CSGALNACT1: variants seen among roughly 807,000 people sequenced by gnomAD.
CSGALNACT1 encodes the protein beta4GalNAcT-1.
A neutral mutation model predicts 51.0 loss-of-function variants in CSGALNACT1; 52 were observed. The observed-to-expected ratio is 1.02, with a 90% CI of 0.82 to 1.29. CSGALNACT1 has a LOEUF of 1.29. CSGALNACT1 is among the 50% of genes most tolerant of loss of function. The probability of loss-of-function intolerance (pLI) is 0.00; values close to 1 mark genes in which losing one functional copy is unlikely to be tolerated. For missense variants in CSGALNACT1, 935 were observed against 679.2 expected, an observed-to-expected ratio of 1.38 and a Z score of -4.19; for synonymous variants, 341 against 254.4, an observed-to-expected ratio of 1.34 and a Z score of -3.24.
rs192377479 is a variant in CSGALNACT1, at chr8:19,620,883, G to C, written c.-543-19018C>G. ...CTCAAGTCCAACCAGGAGCATCAGA[G>C]GGAACATGGATCCCTTAAGTGGGGG... On this transcript the variant is annotated intron_variant, in intron 1 of 9. Coordinates refer to the CSGALNACT1 transcript ENST00000332246. Among the ~76,000 whole-genome samples the C allele has an allele frequency of 1.9e-3, 285 of 152,280 alleles. 3 individuals are homozygous for C. The highest frequency in any genetic ancestry group is 0.018 in the Admixed American group (270 of 15,288).
intron 4 of CSGALNACT1, among the ~76,000 whole-genome samples, chr8:19,480,616 C>A (rs1010100281): frequency 2.0e-5 from 3 of 152,146 alleles, no homozygotes; most frequent in African/African-American, 7.2e-5. Flanking sequence ...AATTTCTTTT[C>A]CTTTGAGTAT....
chr8:19,462,023 C>T (rs1050998290), intron 4 of CSGALNACT1, among the ~76,000 whole-genome samples: 7 of 152,232 alleles, frequency 4.6e-5, no homozygotes, highest in African/African-American at 1.4e-4. Context: ...ATCCACACAG[C>T]AGCCACATTC....
intron 1 of CSGALNACT1, among the ~76,000 whole-genome samples, chr8:19,659,813 A>T (rs555080769): frequency 6.6e-6 from 1 of 152,318 alleles, no homozygotes; most frequent in South Asian, 2.1e-4. Flanking sequence ...CAAAGCACAT[A>T]ACCCTCCAGC....
chr8:19,602,759 T>C (rs954254528), upstream of CSGALNACT1: 1 of 151,364 alleles, frequency 6.6e-6, no homozygotes, highest in African/African-American at 2.4e-5. Context: ...AAAAGCAGAA[T>C]GGGAAAGAGG....
At position 19,700,515 on chromosome 8, in the gene CSGALNACT1, C is replaced by T. The variant is rs147755004; in HGVS notation, c.-297+57335G>A. ...AAAATATGATAGAAAGGATACGGAC[C>T]GTATGACACAGCCTTCCTCACCATT... On this transcript the variant is annotated intron_variant, in intron 1 of 1. Transcript: ENST00000517494. Among the ~76,000 whole-genome samples, 499 of 152,150 alleles carry T rather than the reference C, an allele frequency of 3.3e-3. 6 individuals are homozygous for T. The highest frequency in any genetic ancestry group is 0.011 in the African/African-American group (473 of 41,502).
At chr8:19,556,567 C>A (rs1348322004) in intron 3 of CSGALNACT1, among the ~76,000 whole-genome samples, 1 of 152,136 alleles carries the variant, frequency 6.6e-6, no homozygotes, top group Non-Finnish European at 1.5e-5. Context: ...AGACTGCTGA[C>A]CAATAGTGTT....
intron 4 of CSGALNACT1, among the ~76,000 whole-genome samples, chr8:19,460,560 C>T (rs2065135930): frequency 6.6e-6 from 1 of 152,162 alleles, no homozygotes; most frequent in Admixed American, 6.5e-5. Context: ...ACCAAGAATG[C>T]ACCTCCCAGT....
At chr8:19,603,329 T>A (rs1043579150), upstream of CSGALNACT1, among the ~76,000 whole-genome samples, 2 of 151,798 alleles carry the variant, frequency 1.3e-5, no homozygotes, top group African/African-American at 4.8e-5. Context: ...AGGTTTAGAG[T>A]CTATTTTGTA....
chr8:19,525,488 A>C (rs190054943), intron 3 of CSGALNACT1, among the ~76,000 whole-genome samples: 1 of 151,590 alleles, frequency 6.6e-6, no homozygotes, highest in Middle Eastern at 3.2e-3. Context: ...CTGGTGGTGC[A>C]TGTCTATAGT....
intron 6 of CSGALNACT1, among the ~76,000 whole-genome samples, chr8:19,425,240 C>T (rs997167701): frequency 2.6e-5 from 4 of 152,174 alleles, no homozygotes; most frequent in African/African-American, 9.7e-5. Flanking sequence ...ACTTGGGAGG[C>T]TGAGGCAGGA....
chr8:19,548,019 A>G (rs1014455549), intron 3 of CSGALNACT1, among the ~76,000 whole-genome samples: 11 of 152,212 alleles, frequency 7.2e-5, no homozygotes, highest in Admixed American at 5.2e-4. Context: ...GTGATGTAAC[A>G]TCGCTCACAT....
intron 9 of CSGALNACT1, among the ~76,000 whole-genome samples, chr8:19,407,905 TTGTGTGTGTGTGTGTGTGTGTGTGTGTG>T (rs60746708): frequency 5.9e-4 from 66 of 112,790 alleles, no homozygotes; most frequent in African/African-American, 1.7e-3. Context: ...TGTATATGAA[TTGTGTGTGTGTGTGTGTGTGTGTGTGTG>T]TGTGTGTGTG....
At chr8:19,425,142 A>T (rs1303184222) in intron 6 of CSGALNACT1, among the ~76,000 whole-genome samples, 1 of 152,164 alleles carries the variant, frequency 6.6e-6, no homozygotes, top group Non-Finnish European at 1.5e-5. Context: ...CAGGAGTTCG[A>T]GACTGAACTG....
chr8:19,435,422 G>A (rs1479985451), intron 6 of CSGALNACT1, among the ~76,000 whole-genome samples: 1 of 151,976 alleles, frequency 6.6e-6, no homozygotes, highest in Non-Finnish European at 1.5e-5. Context: ...GAACCCAAGA[G>A]GTGGAGGTTG....
intron 1 of CSGALNACT1, among the ~76,000 whole-genome samples, chr8:19,700,550 G>C (rs956826677): frequency 6.6e-6 from 1 of 152,154 alleles, no homozygotes; most frequent in African/African-American, 2.4e-5. Flanking sequence ...TAATCAGGGA[G>C]GACTTAGTGC....
intron 3 of CSGALNACT1, among the ~76,000 whole-genome samples, chr8:19,583,595 G>A (rs1184108324): frequency 1.3e-5 from 2 of 152,114 alleles, no homozygotes; most frequent in Non-Finnish European, 2.9e-5. Flanking sequence ...CTACTAATAA[G>A]CAAGTATAAT....
chr8:19,505,184 A>G lies in CSGALNACT1; in HGVS notation c.634+17T>C, dbSNP rs369969383. Reference sequence around the variant, plus strand: ...TTCCTTTTCTTCTCCTTTCCCCCCAATTCACAAAATGCTAACCTTCTATGA... The same window carrying G: ...TTCCTTTTCTTCTCCTTTCCCCCCAGTTCACAAAATGCTAACCTTCTATGA... On this transcript the variant is annotated intron_variant, in intron 4 of 9. Transcript: ENST00000454498. The G allele has an allele frequency of 7.1e-5, 114 of 1,613,786 alleles. No individual in the cohort carries two copies. Among genetic ancestry groups the G allele is most frequent in the East Asian group, 1.3e-4 (6 of 44,884 alleles).
rs73667664 is a variant in CSGALNACT1, at chr8:19,496,287, G to A, written c.634+8914C>T. Reference sequence around the variant, plus strand: ...CACCATAGAACACAGATCAGATCACGGGATCCGAGGCTTTCATATTCAAAA... The same window carrying A: ...CACCATAGAACACAGATCAGATCACAGGATCCGAGGCTTTCATATTCAAAA... On this transcript the variant is annotated intron_variant, in intron 4 of 9. Transcript: ENST00000454498. 7.8e-3 allele frequency among the ~76,000 whole-genome samples: 1,188 copies of A among 152,236 alleles called. 12 individuals carry two copies. The highest frequency in any genetic ancestry group is 0.027 in the African/African-American group (1,131 of 41,542).
intron 4 of CSGALNACT1, among the ~76,000 whole-genome samples, chr8:19,501,861 A>G (rs2076482064): frequency 6.6e-6 from 1 of 152,250 alleles, no homozygotes; most frequent in Non-Finnish European, 1.5e-5. Flanking sequence ...AGTGAAGCAC[A>G]GGATTTGATT....
Sources: allele counts gnomAD v4.1 joint callset (sites outside exome capture counted in the v4.1 genomes callset), GRCh38; gene constraint gnomAD v4.1.1; transcripts MANE v1.5; gene names NCBI Gene and HGNC (gene_info 2026-07-23, HGNC 2026-07-21).